The following HSP90AB1 variants were observed in gnomAD, a reference collection of about 807,000 sequenced individuals.
HSP90AB1 encodes the protein heat shock protein 90 alpha family class B member 1.
HSP90AB1 carries 17 observed loss-of-function variants against 67.8 expected under a neutral mutation model. That is an observed-to-expected ratio of 0.25 (90% CI 0.17 to 0.38). The LOEUF is 0.38. Among genes scored for constraint, HSP90AB1 ranks in the 10% least tolerant of loss-of-function variants. The pLI, the probability that HSP90AB1 is intolerant of heterozygous loss-of-function variation, is 1.00. For synonymous variants in HSP90AB1, 390 were observed against 312.9 expected (o/e 1.25, Z -2.60); for missense variants, 690 against 899.9 (o/e 0.77, Z 2.98).
chr6:44,253,585 A>G lies in HSP90AB1; in HGVS notation c.2162A>G (p.Glu721Gly), dbSNP rs1247230018. 1.2e-6 allele frequency: 2 copies of G among 1,613,638 alleles called. No homozygotes were observed. Among genetic ancestry groups the G allele is most frequent in the South Asian group, 1.1e-5 (1 of 91,078 alleles). Residue 721 changes from glutamate (E) to glycine (G), a missense_variant, in exon 12 of 12, where the codon GAA becomes GGA. Transcript: ENST00000371646. ...GGCGATGAGGATGCGTCTCGCATGG[A>G]AGAAGTCGATTAGGTTAGGAGTTCA... ...LEGDEDASRM[E>G]EVD is the part of the protein sequence containing the mutation.
chr6:44,253,638 GT>G lies in HSP90AB1; in HGVS notation c.*41del, dbSNP rs1781021364. On this transcript the variant is annotated 3_prime_UTR_variant, in exon 12 of 12. Transcript: ENST00000371646. ...GTTGGAAAACTTGTGCCCTTGTATA[GT>G]GTCCCCATGGGCTCCCACTGCAGCC... The G allele has an allele frequency of 1.4e-6, 2 of 1,460,894 alleles. No individual in the cohort carries two copies. The highest frequency in any genetic ancestry group is 1.9e-6 in the Non-Finnish European group (2 of 1,040,622). The allele number at this position is 1,460,894 out of a possible 1,614,324, so 90.5% of individuals were successfully genotyped here. A position where few individuals can be genotyped will look rare whatever the true frequency, so the allele number is the denominator to read the frequency against.
chr6:44,246,263 G>A (rs1033024576), upstream of HSP90AB1: 1 of 152,310 alleles, frequency 6.6e-6, no homozygotes, highest in African/African-American at 2.4e-5. Context: ...GATTGACGCG[G>A]GGAAGGAGGG....
chr6:44,246,726 GCT>G (rs1017790593), upstream of HSP90AB1, among the ~76,000 whole-genome samples: 6 of 152,208 alleles, frequency 3.9e-5, no homozygotes, highest in Admixed American at 1.3e-4. Context: ...AGCTGCCTCC[GCT>G]CTTTTTCGGT....
chr6:44,250,697 A>T, intron 6 of HSP90AB1, 98 bp downstream of exon 6: 2 of 713,918 alleles, frequency 2.8e-6, no homozygotes, highest in African/African-American at 1.8e-5. Context: ...AACTTGTCCA[A>T]CTGATAACAG....
rs758973904 is a variant in HSP90AB1, at chr6:44,248,616, G to T, written c.1-14G>T. On this transcript the variant is annotated splice_polypyrimidine_tract_variant and intron_variant, in intron 1 of 11. Coordinates refer to ENST00000371646, the MANE Select transcript of HSP90AB1 (RefSeq NM_007355.4). ...CTTAGTGTTCTTTTGTAATTAATGA[G>T]ATTTTTATTTTAGATGCCTGAGGAA... 1 of 1,596,998 alleles carries T rather than the reference G, an allele frequency of 6.3e-7. No homozygotes were observed. The highest frequency in any genetic ancestry group is 1.9e-5 in the Admixed American group (1 of 53,958).
chr6:44,251,920 T>TG (rs753255300), intron 9 of HSP90AB1, 36 bp downstream of exon 9: 3 of 1,613,170 alleles, frequency 1.9e-6, no homozygotes, highest in Non-Finnish European at 2.5e-6. Flanking sequence ...TTTGGAGGAG[T>TG]GGGGAGCACA....
At chr6:44,251,337 T>C in intron 7 of HSP90AB1, 81 bp from the exon 8 acceptor site, 1 of 1,528,514 alleles carries the variant, frequency 6.5e-7, no homozygotes, top group Non-Finnish European at 9.0e-7. Context: ...CAGGAGGCTA[T>C]TAGAGCCTTC....
At chr6:44,248,879 G>A (rs767612368) in intron 2 of HSP90AB1, 103 bp downstream of exon 2, 4 of 1,008,236 alleles carry the variant, frequency 4.0e-6, no homozygotes, top group Non-Finnish European at 4.5e-6. Flanking sequence ...CTATTGAAGG[G>A]GGTAAACTTG....
chr6:44,247,631 C>T (rs1780082183), intron 1 of HSP90AB1, among the ~76,000 whole-genome samples: 1 of 152,178 alleles, frequency 6.6e-6, no homozygotes, highest in South Asian at 2.1e-4. Context: ...TTATCGGACG[C>T]GTTGTTAAAG....
At chr6:44,248,905 G>C in intron 2 of HSP90AB1, 129 bp downstream of exon 2, 1 of 843,362 alleles carries the variant, frequency 1.2e-6, no homozygotes, top group Non-Finnish European at 1.9e-6. Flanking sequence ...ATTCCAAAAA[G>C]ATGGGTTTTA....
At chr6:44,252,901 A>G (rs1023781919) in intron 10 of HSP90AB1, 144 bp from the exon 11 acceptor site, 1 of 646,472 alleles carries the variant, frequency 1.5e-6, no homozygotes, top group Non-Finnish European at 2.7e-6. Flanking sequence ...TTTTTTGTAG[A>G]CAGGGTTTTG....
chr6:44,249,759 A>G lies in HSP90AB1; in HGVS notation c.439A>G (p.Thr147Ala). The stretch of plus-strand genomic sequence containing the variant: ...GGTGGCAGAGAAAGTGGTTGTGATC[A>G]CAAAGCACAACGATGATGAACAGTA... ...YLVAEKVVVI[T>A]KHNDDEQYAW... The change falls in exon 4 of 12, where the codon ACA becomes GCA. Residue 147 changes from threonine to alanine, a missense_variant. This residue lies in a region of HSP90AB1 where 88 missense variants were observed against 167.7 expected (regional missense o/e 0.52). Transcript: ENST00000371646. 6.2e-7 allele frequency: 1 copy of G among 1,613,996 alleles called. No individual in the cohort carries two copies. The highest frequency in any genetic ancestry group is 8.5e-7 in the Non-Finnish European group (1 of 1,179,920).
At position 44,251,440 on chromosome 6, in the gene HSP90AB1, C is replaced by A; in HGVS notation, c.1146C>A (p.Asp382Glu). 6 of 1,606,016 alleles carry A rather than the reference C, an allele frequency of 3.7e-6. No homozygotes were observed. The highest frequency in any genetic ancestry group is 5.1e-6 in the Non-Finnish European group (6 of 1,175,374). Residue 382 changes from aspartate to glutamate, a missense_variant, in exon 8 of 12, where the codon GAC becomes GAA. Coordinates refer to ENST00000371646, the MANE Select transcript of HSP90AB1 (RefSeq NM_007355.4). ...CAGATTTTATCCGTGGTGTGGTTGA[C>A]TCTGAGGATCTGCCCCTGAACATCT... ...EYLNFIRGVV[D>E]SEDLPLNISR...
Position 44,253,346 on chromosome 6 carries a change from A to G in HSP90AB1, c.2033A>G (p.Asn678Ser), listed in dbSNP as rs896676264. The G allele has an allele frequency of 6.2e-7, 1 of 1,614,120 alleles. No homozygotes were observed. Among genetic ancestry groups the G allele is most frequent in the Non-Finnish European group, 8.5e-7 (1 of 1,180,014 alleles). Residue 678 changes from asparagine to serine, a missense_variant, in exon 11 of 12, where the codon AAC (asparagine) becomes AGC (serine). Coordinates refer to ENST00000371646, the MANE Select transcript of HSP90AB1 (RefSeq NM_007355.4). ...CTTGAGGATCCCCAGACCCACTCCA[A>G]CCGCATCTATCGCATGATCAAGCTA... Reference protein sequence around the residue: ...FSLEDPQTHSNRIYRMIKLGL... With the variant: ...FSLEDPQTHSSRIYRMIKLGL...
At chr6:44,249,182 TTAAA>T (rs1425800786) in intron 2 of HSP90AB1, among the ~76,000 whole-genome samples, 191 bp from the exon 3 acceptor site, 6 of 152,014 alleles carry the variant, frequency 3.9e-5, no homozygotes, top group Admixed American at 1.3e-4. Context: ...CTGCAAAAAA[TTAAA>T]TATTAGTTGG....
chr6:44,252,304 T>A (rs1388100400), intron 10 of HSP90AB1, 37 bp downstream of exon 10: 1 of 1,586,336 alleles, frequency 6.3e-7, no homozygotes, highest in Non-Finnish European at 8.6e-7. Flanking sequence ...TTTTGTAACA[T>A]CTTCGAGGTG....
Position 44,251,784 on chromosome 6 carries a change from G to GC in HSP90AB1, c.1363dup (p.Leu455ProfsTer11). ...CTAACCGCCGCCGCCTGTCTGAGCTGCTGCGCTATCATACCTCCCAGTCTG... is the reference window on the plus strand; with the variant it reads ...CTAACCGCCGCCGCCTGTCTGAGCTGCCTGCGCTATCATACCTCCCAGTCTG... On this transcript the variant is annotated frameshift_variant, in exon 9 of 12. Coordinates refer to ENST00000371646, the MANE Select transcript of HSP90AB1 (RefSeq NM_007355.4). LOFTEE classifies it high-confidence loss of function. 6.2e-7 allele frequency: 1 copy of GC among 1,613,456 alleles called. No individual in the cohort carries two copies. The highest frequency in any genetic ancestry group is 1.1e-5 in the South Asian group (1 of 91,048).
upstream of HSP90AB1, among the ~76,000 whole-genome samples, chr6:44,246,883 G>A (rs1779956415): frequency 6.6e-6 from 1 of 152,222 alleles, no homozygotes; most frequent in Non-Finnish European, 1.5e-5. Context: ...TGTCCTAGAC[G>A]TGAAACTATG....
chr6:44,249,933 C>T lies in HSP90AB1; in HGVS notation c.515-88C>T, dbSNP rs1420954871. On this transcript the variant is annotated intron_variant, in intron 4 of 11. Coordinates refer to ENST00000371646, the MANE Select transcript of HSP90AB1 (RefSeq NM_007355.4). ...GCATCCTGTCTGTAAAGCAGTTCTT[C>T]ACAGCAGTTCTGCTGATACTTACTA... The T allele has an allele frequency of 1.8e-5, 29 of 1,580,922 alleles. 1 individual carries two copies. Among genetic ancestry groups the T allele is most frequent in the Non-Finnish European group, 2.3e-5 (26 of 1,152,206 alleles).
Sources: allele counts gnomAD v4.1 joint callset (sites outside exome capture counted in the v4.1 genomes callset), GRCh38; gene constraint gnomAD v4.1.1; regional missense constraint gnomAD v4.1.1; transcripts MANE v1.5; gene names NCBI Gene and HGNC (gene_info 2026-07-23, HGNC 2026-07-21).